GLIS3: variants seen among roughly 807,000 people sequenced by gnomAD.
GLIS3 encodes the protein zinc finger protein GLIS3.
In GLIS3, 53 loss-of-function variants were observed where a neutral mutation model predicts 78.6. The ratio of observed to expected loss-of-function variants is 0.67; its 90% CI spans 0.54 to 0.85. The LOEUF is 0.85. GLIS3 is among the 40% of genes least tolerant of loss of function. The pLI is 0.00. For missense variants in GLIS3, 1,703 were observed against 1,231.1 expected (o/e 1.38, Z -5.74); for synonymous variants, 684 against 509.9 (o/e 1.34, Z -4.60).
intron 2 of GLIS3, among the ~76,000 whole-genome samples, chr9:4,237,109 C>G (rs1035432966): frequency 1.3e-5 from 2 of 150,458 alleles, no homozygotes; most frequent in African/African-American, 4.9e-5. Context: ...AACATGTTCA[C>G]TTCCTTCACT....
At chr9:3,836,708 C>G (rs564680777) in intron 9 of GLIS3, among the ~76,000 whole-genome samples, 4 of 152,278 alleles carry the variant, frequency 2.6e-5, no homozygotes, top group East Asian at 3.9e-4. Flanking sequence ...GGTGGTATCC[C>G]CTAAGACCCA....
At chr9:4,061,669 G>A (rs1826667345) in intron 4 of GLIS3, among the ~76,000 whole-genome samples, 1 of 152,014 alleles carries the variant, frequency 6.6e-6, no homozygotes, top group Admixed American at 6.6e-5. Context: ...AGAGTCTCGG[G>A]TACAAATGAA....
chr9:4,092,375 A>G (rs1470031329), intron 4 of GLIS3, among the ~76,000 whole-genome samples: 1 of 151,868 alleles, frequency 6.6e-6, no homozygotes, highest in East Asian at 1.9e-4. Context: ...GATGGTCTCG[A>G]TCTCCTGAGC....
chr9:3,854,799 C>T (rs1255000305), intron 9 of GLIS3, among the ~76,000 whole-genome samples: 1 of 152,112 alleles, frequency 6.6e-6, no homozygotes, highest in Non-Finnish European at 1.5e-5. Context: ...CCGCCTCGGC[C>T]TCCCAAAGTG....
At chr9:4,420,987 A>T in the GLIS3 span, among the ~76,000 whole-genome samples, 37 of 152,212 alleles carry the variant, frequency 2.4e-4, no homozygotes, top group African/African-American at 8.4e-4. Context: ...AAATTTTAAA[A>T]AAGTGTCTGC....
At chr9:4,051,037 A>G (rs925265922) in intron 4 of GLIS3, among the ~76,000 whole-genome samples, 5 of 152,046 alleles carry the variant, frequency 3.3e-5, no homozygotes, top group African/African-American at 1.2e-4. Context: ...AATTACTACT[A>G]AGGCACATGT....
chr9:4,028,868 G>A (rs1031325056), intron 4 of GLIS3, among the ~76,000 whole-genome samples: 1 of 152,136 alleles, frequency 6.6e-6, no homozygotes, highest in Admixed American at 6.6e-5. Context: ...GGTAATAAAT[G>A]TTGCCAGGAC....
intron 10 of GLIS3, 114 bp downstream of exon 10, chr9:3,829,196 G>A: frequency 1.1e-6 from 1 of 877,204 alleles, no homozygotes; most frequent in Non-Finnish European, 1.9e-6. Context: ...TCGTTCAACA[G>A]GATTTGATGC....
chr9:4,464,653 C>T, the GLIS3 span, among the ~76,000 whole-genome samples: 1 of 152,118 alleles, frequency 6.6e-6, no homozygotes, highest in East Asian at 1.9e-4. Context: ...CTTTGGCCTC[C>T]CAAAGTGCTG....
At chr9:4,317,069 A>T (rs943274179) in intron 2 of GLIS3, among the ~76,000 whole-genome samples, 2 of 152,248 alleles carry the variant, frequency 1.3e-5, no homozygotes. Context: ...ATGCTTGAGC[A>T]GGGCACTTAG....
At chr9:4,082,670 G>A (rs1828657040) in intron 4 of GLIS3, among the ~76,000 whole-genome samples, 1 of 152,156 alleles carries the variant, frequency 6.6e-6, no homozygotes, top group African/African-American at 2.4e-5. Flanking sequence ...AGTGTCCCGG[G>A]AGGCAGTGGG....
At chr9:3,975,628 A>G (rs1241867256) in intron 4 of GLIS3, among the ~76,000 whole-genome samples, 1 of 152,120 alleles carries the variant, frequency 6.6e-6, no homozygotes, top group African/African-American at 2.4e-5. Flanking sequence ...TAAAATAAAA[A>G]GTCTAAAATA....
chr9:3,951,537 G>A (rs551898271), intron 4 of GLIS3, among the ~76,000 whole-genome samples: 23 of 152,094 alleles, frequency 1.5e-4, no homozygotes, highest in Admixed American at 9.2e-4. Flanking sequence ...AGAAACATGA[G>A]CATTTGAGAC....
At chr9:4,426,122 C>T in the GLIS3 span, among the ~76,000 whole-genome samples, 4 of 152,302 alleles carry the variant, frequency 2.6e-5, no homozygotes, top group South Asian at 8.3e-4. Context: ...CCAGAGCCCC[C>T]AGGTTAAGAA....
intron 7 of GLIS3, among the ~76,000 whole-genome samples, chr9:3,897,996 A>ACAAT (rs1320090629): frequency 6.6e-6 from 1 of 152,232 alleles, no homozygotes; most frequent in East Asian, 1.9e-4. Flanking sequence ...ATATGTAAGG[A>ACAAT]CAATCACTAA....
At chr9:4,376,344 G>A in the GLIS3 span, among the ~76,000 whole-genome samples, 1 of 152,184 alleles carries the variant, frequency 6.6e-6, no homozygotes, top group Non-Finnish European at 1.5e-5. Context: ...TTCAGAGGCT[G>A]AAGATTGTTT....
At chr9:3,883,999 A>G (rs1821905995) in intron 7 of GLIS3, among the ~76,000 whole-genome samples, 1 of 152,174 alleles carries the variant, frequency 6.6e-6, no homozygotes. Flanking sequence ...CATCTACAGT[A>G]GAGGTAGGTG....
At chr9:3,907,201 A>G (rs1230365933) in intron 6 of GLIS3, among the ~76,000 whole-genome samples, 1 of 152,168 alleles carries the variant, frequency 6.6e-6, no homozygotes, top group Non-Finnish European at 1.5e-5. Flanking sequence ...AATCTGTACA[A>G]TTGTGTTGGT....
intron 2 of GLIS3, among the ~76,000 whole-genome samples, chr9:4,281,027 C>T (rs1300213272): frequency 6.6e-6 from 1 of 152,124 alleles, no homozygotes; most frequent in East Asian, 1.9e-4. Flanking sequence ...TTGCATTTAT[C>T]AAGTAGTTAG....
Sources: gnomAD v4.1 joint callset for allele counts (sites outside exome capture counted in the v4.1 genomes callset) on GRCh38, gnomAD v4.1.1 for gene constraint, MANE v1.5 for transcripts, NCBI Gene and HGNC (gene_info 2026-07-23, HGNC 2026-07-21) for gene names.